The following OSBPL8 variants were observed in gnomAD, a reference collection of about 807,000 sequenced individuals.
OSBPL8 encodes the protein oxysterol binding protein like 8.
In OSBPL8, 59 loss-of-function variants were observed where a neutral mutation model predicts 125.5. That is an observed-to-expected ratio of 0.47 (90% CI 0.38 to 0.58). The LOEUF (loss-of-function observed/expected upper bound fraction) is 0.58, where lower values mean the gene tolerates loss of function less well. Ranked by LOEUF, OSBPL8 falls within the 20% of genes least tolerant of loss-of-function variation. The probability of loss-of-function intolerance (pLI) is 0.00; values close to 1 mark genes in which losing one functional copy is unlikely to be tolerated. For synonymous variants in OSBPL8, 330 were observed against 338.9 expected (o/e 0.97, Z 0.29); for missense variants, 758 against 1,047.8 (o/e 0.72, Z 3.82).
intron 1 of OSBPL8, among the ~76,000 whole-genome samples, chr12:76,494,305 T>C (rs1879047495): frequency 6.6e-6 from 1 of 152,188 alleles, no homozygotes; most frequent in Non-Finnish European, 1.5e-5. Flanking sequence ...GAAAAGGCCC[T>C]ACCCTATGGC....
intron 4 of OSBPL8, among the ~76,000 whole-genome samples, chr12:76,411,195 T>G (rs1954500072): frequency 6.6e-6 from 1 of 152,174 alleles, no homozygotes; most frequent in Non-Finnish European, 1.5e-5. Flanking sequence ...AGGATGAATC[T>G]TAAATACAAG....
In OSBPL8 at chr12:76,519,152, G is replaced by A. The variant is rs186540874; in HGVS notation, c.-67-31534C>T. On this transcript the variant is annotated intron_variant, in intron 1 of 23. Coordinates refer to ENST00000261183, the MANE Select transcript of OSBPL8 (RefSeq NM_020841.5). ...TTGTTCCTGTACCTGATCACAGGCT[G>A]CCAGAAGCAGCCAAGCCATGTCTTG... Among the ~76,000 whole-genome samples the A allele has an allele frequency of 1.5e-3, 226 of 152,282 alleles. 1 individual carries two copies. The highest frequency in any genetic ancestry group is 3.6e-3 in the Admixed American group (55 of 15,296).
intron 22 of OSBPL8, 121 bp from the exon 23 acceptor site, chr12:76,356,849 T>TA: frequency 1.7e-6 from 1 of 602,104 alleles, no homozygotes; most frequent in Non-Finnish European, 2.9e-6. Context: ...ATTAGCATAG[T>TA]AATATGAATA....
intron 1 of OSBPL8, among the ~76,000 whole-genome samples, chr12:76,504,837 CATT>C (rs1026180051): frequency 5.5e-4 from 84 of 152,134 alleles, no homozygotes; most frequent in African/African-American, 2.0e-3. Flanking sequence ...CCTGAAATAA[CATT>C]ATTATTATAG....
intron 5 of OSBPL8, among the ~76,000 whole-genome samples, chr12:76,406,789 G>T (rs1357151039): frequency 1.3e-5 from 2 of 151,944 alleles, no homozygotes; most frequent in Non-Finnish European, 2.9e-5. Context: ...CTAATTTTTT[G>T]ATTTGTAGAG....
chr12:76,536,037 A>G (rs190203769), intron 1 of OSBPL8, among the ~76,000 whole-genome samples: 3 of 152,310 alleles, frequency 2.0e-5, no homozygotes, highest in East Asian at 3.9e-4. Context: ...GGTGTAAATT[A>G]TACCTGAATA....
intron 1 of OSBPL8, among the ~76,000 whole-genome samples, chr12:76,505,515 A>C (rs1880322550): frequency 6.6e-6 from 1 of 152,152 alleles, no homozygotes; most frequent in Non-Finnish European, 1.5e-5. Context: ...ATTGTGTATT[A>C]TAATAGATAC....
intron 21 of OSBPL8, among the ~76,000 whole-genome samples, chr12:76,367,232 GTGTGT>G: frequency 6.9e-6 from 1 of 145,904 alleles, no homozygotes; most frequent in South Asian, 2.1e-4. Context: ...GTTGATTGGT[GTGTGT>G]GTGTGTGTGT....
At chr12:76,469,761 AT>A (rs781268126) in intron 2 of OSBPL8, among the ~76,000 whole-genome samples, 2 of 151,988 alleles carry the variant, frequency 1.3e-5, no homozygotes, top group East Asian at 3.9e-4. Flanking sequence ...ATATTTATAT[AT>A]TTTTTCTTTC....
At chr12:76,393,627 C>A (rs908396312) in intron 9 of OSBPL8, among the ~76,000 whole-genome samples, 3 of 135,714 alleles carry the variant, frequency 2.2e-5, no homozygotes, top group Non-Finnish European at 3.1e-5. Context: ...AGGAGAATGG[C>A]GTGAACCCGG....
chr12:76,523,363 G>C (rs532649390), intron 1 of OSBPL8, among the ~76,000 whole-genome samples: 102 of 152,314 alleles, frequency 6.7e-4, no homozygotes, highest in Non-Finnish European at 1.1e-3. Context: ...GGAGTTCACA[G>C]AGAATGTAGC....
intron 1 of OSBPL8, among the ~76,000 whole-genome samples, chr12:76,489,153 T>C (rs556552724): frequency 3.4e-4 from 51 of 152,070 alleles, no homozygotes; most frequent in African/African-American, 1.1e-3. Context: ...CCAGCAGAGG[T>C]TGGTTCATGA....
chr12:76,468,314 C>G (rs556941519), intron 2 of OSBPL8, among the ~76,000 whole-genome samples: 1 of 152,266 alleles, frequency 6.6e-6, no homozygotes, highest in African/African-American at 2.4e-5. Context: ...ATCCATCCCA[C>G]AGAAATAATG....
At chr12:76,422,679 T>C (rs1336013745) in intron 4 of OSBPL8, 1 of 455,016 alleles carries the variant, frequency 2.2e-6, no homozygotes. Flanking sequence ...TTAATGTATA[T>C]GCTCACCCAA....
chr12:76,378,052 T>C (rs967168060), intron 16 of OSBPL8, among the ~76,000 whole-genome samples: 1 of 152,048 alleles, frequency 6.6e-6, no homozygotes, highest in Non-Finnish European at 1.5e-5. Context: ...GTGAGAAAAA[T>C]CTTTAAAAAA....
intron 1 of OSBPL8, among the ~76,000 whole-genome samples, chr12:76,488,022 CAA>C (rs1878340554): frequency 6.6e-6 from 1 of 152,026 alleles, no homozygotes; most frequent in Non-Finnish European, 1.5e-5. Flanking sequence ...TAAATCAGGA[CAA>C]TTTTTTGAAG....
At chr12:76,394,886 G>C (rs571371416) in intron 8 of OSBPL8, 157 bp from the exon 9 acceptor site, 1 of 525,846 alleles carries the variant, frequency 1.9e-6, no homozygotes, top group East Asian at 3.6e-5. Flanking sequence ...GAATGCAAAT[G>C]TTAAGTATTA....
chr12:76,481,014 G>C (rs1738109080), intron 2 of OSBPL8, among the ~76,000 whole-genome samples: 1 of 152,156 alleles, frequency 6.6e-6, no homozygotes, highest in Non-Finnish European at 1.5e-5. Context: ...ATGAGCAGCA[G>C]GGCATGTGAT....
chr12:76,358,426 C>T (rs1011029482), intron 22 of OSBPL8, among the ~76,000 whole-genome samples: 41 of 152,094 alleles, frequency 2.7e-4, no homozygotes, highest in African/African-American at 9.6e-4. Context: ...AAGTGATCTG[C>T]CCACCTCGGC....
Sources: gnomAD v4.1 joint callset for allele counts (sites outside exome capture counted in the v4.1 genomes callset) on GRCh38, gnomAD v4.1.1 for gene constraint, MANE v1.5 for transcripts, NCBI Gene and HGNC (gene_info 2026-07-23, HGNC 2026-07-21) for gene names.